Variants in AGBL4 observed in about 807,000 individuals in gnomAD.
AGBL4 encodes cytosolic carboxypeptidase 6.
In AGBL4, 58 loss-of-function variants were observed where a neutral mutation model predicts 66.4. The observed-to-expected ratio is 0.87, with a 90% confidence interval of 0.71 to 1.09. The LOEUF is 1.09. AGBL4 is among the 50% of genes least tolerant of loss of function. The pLI is 0.00. For synonymous variants in AGBL4, 234 were observed against 222.9 expected (o/e 1.05, Z -0.44); for missense variants, 579 against 631.0 (o/e 0.92, Z 0.88).
chr1:49,604,695 T>A (rs1282831613), intron 3 of AGBL4, among the ~76,000 whole-genome samples: 1 of 152,092 alleles, frequency 6.6e-6, no homozygotes, highest in Non-Finnish European at 1.5e-5. Flanking sequence ...CTGAAATGGG[T>A]CAGGTCAGGA....
chr1:49,973,173 A>C (rs1208824088), intron 1 of AGBL4, among the ~76,000 whole-genome samples: 1 of 152,174 alleles, frequency 6.6e-6, no homozygotes, highest in African/African-American at 2.4e-5. Context: ...TGGCAAGCCA[A>C]ACACAGGCTA....
chr1:49,718,231 A>T (rs1648315173), intron 2 of AGBL4, among the ~76,000 whole-genome samples: 1 of 152,040 alleles, frequency 6.6e-6, no homozygotes, highest in African/African-American at 2.4e-5. Context: ...GTTCTCACAC[A>T]GTTAGTTCAC....
intron 3 of AGBL4, among the ~76,000 whole-genome samples, chr1:49,614,014 G>T (rs1392460167): frequency 1.3e-5 from 2 of 152,018 alleles, no homozygotes; most frequent in Non-Finnish European, 2.9e-5. Flanking sequence ...CTTTTTTTCT[G>T]TTTAGAACAC....
chr1:49,081,236 G>C (rs1571399534), intron 4 of AGBL4, among the ~76,000 whole-genome samples: 1 of 152,124 alleles, frequency 6.6e-6, no homozygotes, highest in Non-Finnish European at 1.5e-5. Context: ...CTGTAATCTA[G>C]ATTGACTAAT....
intron 3 of AGBL4, among the ~76,000 whole-genome samples, chr1:49,381,382 T>A (rs978392252): frequency 3.3e-5 from 5 of 152,186 alleles, no homozygotes; most frequent in African/African-American, 4.8e-5. Context: ...ATAGGAACAC[T>A]TTGACACTGT....
chr1:48,672,742 C>T (rs1245357572), intron 6 of AGBL4, among the ~76,000 whole-genome samples: 1 of 152,180 alleles, frequency 6.6e-6, no homozygotes, highest in East Asian at 1.9e-4. Flanking sequence ...GGTCAGATTG[C>T]AGATTCTCTG....
intron 2 of AGBL4, among the ~76,000 whole-genome samples, chr1:49,833,743 C>G (rs1438919718): frequency 1.3e-5 from 2 of 152,088 alleles, no homozygotes; most frequent in Non-Finnish European, 2.9e-5. Flanking sequence ...GTATTTTATT[C>G]TCTTTGAAGC....
chr1:49,900,565 C>A (rs1649668755), intron 1 of AGBL4, among the ~76,000 whole-genome samples: 1 of 152,060 alleles, frequency 6.6e-6, no homozygotes, highest in African/African-American at 2.4e-5. Context: ...TTTATAAAGT[C>A]AAGAAATAAG....
At chr1:49,474,863 A>AC (rs1253060040) in intron 3 of AGBL4, among the ~76,000 whole-genome samples, 29 of 152,014 alleles carry the variant, frequency 1.9e-4, no homozygotes, top group Non-Finnish European at 4.1e-4. Context: ...ATTAGGAGCC[A>AC]CCCCAAGTAC....
At chr1:49,231,415 G>T (rs1363226221) in intron 4 of AGBL4, among the ~76,000 whole-genome samples, 1 of 152,170 alleles carries the variant, frequency 6.6e-6, no homozygotes, top group Non-Finnish European at 1.5e-5. Flanking sequence ...AGACCACTTT[G>T]CTAGAGATAC....
intron 1 of AGBL4, among the ~76,000 whole-genome samples, chr1:50,015,952 G>A (rs1426802974): frequency 6.6e-6 from 1 of 152,014 alleles, no homozygotes; most frequent in Non-Finnish European, 1.5e-5. Flanking sequence ...ACATGAAGAA[G>A]ATTGAAACAT....
At chr1:48,668,069 T>C (rs1646217671) in intron 6 of AGBL4, among the ~76,000 whole-genome samples, 1 of 152,120 alleles carries the variant, frequency 6.6e-6, no homozygotes, top group Admixed American at 6.5e-5. Flanking sequence ...CTTGACTTGA[T>C]TGGTGAAGGC....
intron 4 of AGBL4, among the ~76,000 whole-genome samples, chr1:49,188,706 T>C (rs1186103016): frequency 6.6e-6 from 1 of 152,134 alleles, no homozygotes; most frequent in Non-Finnish European, 1.5e-5. Context: ...GGTACATCAG[T>C]AAGACAATTG....
intron 3 of AGBL4, among the ~76,000 whole-genome samples, chr1:49,459,426 T>C (rs1646462511): frequency 6.6e-6 from 1 of 151,720 alleles, no homozygotes; most frequent in Non-Finnish European, 1.5e-5. Flanking sequence ...TAATCTTTTT[T>C]ATTTCTGTTG....
At chr1:49,660,649 C>A (rs1252451705) in intron 3 of AGBL4, among the ~76,000 whole-genome samples, 4 of 152,148 alleles carry the variant, frequency 2.6e-5, no homozygotes, top group African/African-American at 9.7e-5. Flanking sequence ...GATATATGCA[C>A]ATGTATGTTC....
chr1:49,584,636 G>A (rs771949940), intron 3 of AGBL4, among the ~76,000 whole-genome samples: 21 of 152,066 alleles, frequency 1.4e-4, no homozygotes, highest in Non-Finnish European at 2.5e-4. Flanking sequence ...GGGCTCTGAA[G>A]CTTATGAAGA....
chr1:49,015,422 ATTTTT>A (rs549726675), intron 5 of AGBL4, among the ~76,000 whole-genome samples: 1 of 128,636 alleles, frequency 7.8e-6, no homozygotes, highest in South Asian at 2.5e-4. Context: ...ATTTCAAGTA[ATTTTT>A]TTTTTTTTTT....
chr1:48,653,805 A>G (rs958536082), intron 7 of AGBL4, among the ~76,000 whole-genome samples: 2 of 152,174 alleles, frequency 1.3e-5, no homozygotes, highest in Non-Finnish European at 2.9e-5. Context: ...GTGGGCTAGC[A>G]CTAAACAGTA....
intron 4 of AGBL4, among the ~76,000 whole-genome samples, chr1:49,158,877 G>C (rs1557688347): frequency 6.7e-6 from 1 of 150,374 alleles, no homozygotes; most frequent in Non-Finnish European, 1.5e-5. Context: ...ATCAGACTAG[G>C]ATTGCAACTC....
Sources: allele counts gnomAD v4.1 joint callset (sites outside exome capture counted in the v4.1 genomes callset), GRCh38; gene constraint gnomAD v4.1.1; transcripts MANE v1.5; gene names NCBI Gene and HGNC (gene_info 2026-07-23, HGNC 2026-07-21).